CACNA1H: variants seen among roughly 807,000 people sequenced by gnomAD.
The protein encoded by CACNA1H is calcium voltage-gated channel subunit alpha1 H.
Under a neutral mutation model 192.5 loss-of-function variants are expected in CACNA1H, and 149 were observed. That is an observed-to-expected ratio of 0.77 (90% CI 0.68 to 0.89). CACNA1H has a LOEUF of 0.89. Among genes scored for constraint, CACNA1H ranks in the 40% least tolerant of loss-of-function variants. The probability of loss-of-function intolerance (pLI) is 0.00; values close to 1 mark genes in which losing one functional copy is unlikely to be tolerated. For missense variants in CACNA1H, 4,257 were observed against 3,423.5 expected (o/e 1.24, Z -6.08); for synonymous variants, 2,202 against 1,475.2 (o/e 1.49, Z -11.29).
chr16:1,196,048 T>G, intron 5 of CACNA1H, 25 bp downstream of exon 5: 1 of 1,583,362 alleles, frequency 6.3e-7, no homozygotes, highest in East Asian at 2.2e-5. Flanking sequence ...CCGACTGGGC[T>G]TGAGATCAAC....
chr16:1,198,989 T>G, intron 6 of CACNA1H: 1 of 462,392 alleles, frequency 2.2e-6, no homozygotes. Flanking sequence ...CCGCCCCACA[T>G]GGCTCCGCCC....
chr16:1,204,309 G>T lies in CACNA1H; in HGVS notation c.2302G>T (p.Ala768Ser). 2 of 1,600,150 alleles carry T rather than the reference G, an allele frequency of 1.2e-6. No individual in the cohort carries two copies. The highest frequency in any genetic ancestry group is 1.3e-5 in the African/African-American group (1 of 74,742). Reference sequence around the variant, plus strand: ...CCAGCGGCGGGCACAGCAGAGGGCAGCCCCGGGCGAGCCAGGCTGGATGGG... The same window carrying T: ...CCAGCGGCGGGCACAGCAGAGGGCATCCCCGGGCGAGCCAGGCTGGATGGG... ...SPQRRAQQRA[A>S]PGEPGWMGRL... Residue 768 changes from alanine (A) to serine (S), a missense_variant, in exon 10 of 35, where the codon GCC (alanine) becomes TCC (serine). By Grantham distance (99) the Ala-to-Ser change is moderately conservative. Transcript: ENST00000348261.
chr16:1,203,988 C>T (rs1596418274), intron 9 of CACNA1H, 22 bp from the exon 10 acceptor site: 2 of 1,509,374 alleles, frequency 1.3e-6, no homozygotes, highest in Admixed American at 2.1e-5. Context: ...GGGCCTGCCC[C>T]TGTCTGTGCC....
At chr16:1,183,241 G>A (rs949738459) in intron 2 of CACNA1H, among the ~76,000 whole-genome samples, 17 of 152,258 alleles carry the variant, frequency 1.1e-4, no homozygotes, top group South Asian at 6.2e-4. Context: ...GACCCCTGAC[G>A]GGTTCTATTG....
rs376251979 is a variant in CACNA1H at position 1,220,181 on chromosome 16, G to A, written c.6249G>A (p.Pro2083=). Residue 2083 remains proline, a synonymous_variant, in exon 35 of 35, where the codon CCG becomes CCA. Coordinates refer to ENST00000348261, the MANE Select transcript of CACNA1H (RefSeq NM_021098.3). The stretch of plus-strand genomic sequence containing the variant: ...GACAGCGCTGCGTCTCCAGCCGGCC[G>A]GCGGCCCCAGGCGGAGAGGAGGCCG... ...TFGQRCVSSR[P]AAPGGEEAEA... 6.1e-5 allele frequency: 92 copies of A among 1,519,830 alleles called. No homozygotes were observed. The highest frequency in any genetic ancestry group is 4.6e-4 in the African/African-American group (32 of 69,430). 94.1% of individuals were successfully genotyped at this position (1,519,830 alleles called of 1,614,324 possible). A position where few individuals can be genotyped will look rare whatever the true frequency, so the allele number is the denominator to read the frequency against.
At chr16:1,175,834 G>A (rs547403726) in intron 2 of CACNA1H, among the ~76,000 whole-genome samples, 8 of 152,324 alleles carry the variant, frequency 5.3e-5, no homozygotes, top group East Asian at 1.9e-4. Context: ...GGGATGGTGC[G>A]TTGAGGGGCG....
At chr16:1,209,481 G>A in intron 17 of CACNA1H, 69 bp downstream of exon 17, 2 of 1,558,068 alleles carry the variant, frequency 1.3e-6, no homozygotes, top group Middle Eastern at 1.7e-4. Context: ...CCTCAAGTGG[G>A]GTTTGAGATG....
chr16:1,210,563 C>T lies in CACNA1H; in HGVS notation c.3970-20C>T. The T allele has an allele frequency of 6.2e-7, 1 of 1,610,010 alleles. No individual in the cohort carries two copies. Among genetic ancestry groups the T allele is most frequent in the Non-Finnish European group, 8.5e-7 (1 of 1,179,776 alleles). ...GGAGGGGTGGAGTGGACACAGCCCC[C>T]CACCGTCCTCTCCCGGCAGGAGCGG... is the stretch of plus-strand genomic sequence containing the variant. On this transcript the variant is annotated intron_variant, in intron 19 of 34. Transcript: ENST00000348261.
In CACNA1H at chr16:1,205,332, C is replaced by T. The variant is rs1048391979; in HGVS notation, c.2603+67C>T. ...CTCCACTCTCTGGCAGAAATCCCACCTGCAGAGCAAAACCCAGAGCACAGG... is the reference window on the plus strand; with the variant it reads ...CTCCACTCTCTGGCAGAAATCCCACTTGCAGAGCAAAACCCAGAGCACAGG... On this transcript the variant is annotated intron_variant, in intron 11 of 34. Transcript: ENST00000348261. 8 of 1,487,060 alleles carry T rather than the reference C, an allele frequency of 5.4e-6. No homozygotes were observed. The African/African-American group carries it at 9.7e-5, about 18-fold the overall frequency. 92.1% of individuals were successfully genotyped at this position (1,487,060 alleles called of 1,614,324 possible).
At chr16:1,177,618 G>A (rs1310988820) in intron 2 of CACNA1H, among the ~76,000 whole-genome samples, 7 of 152,120 alleles carry the variant, frequency 4.6e-5, no homozygotes, top group Non-Finnish European at 1.0e-4. Flanking sequence ...CTTGGGCTGT[G>A]ACAGAAATTC....
At position 1,208,150 on chromosome 16, in the gene CACNA1H, C is replaced by G. The variant is rs771270859; in HGVS notation, c.3292C>G (p.Pro1098Ala). 3.4e-5 allele frequency: 54 copies of G among 1,579,416 alleles called. No individual in the cohort carries two copies. Among genetic ancestry groups the G allele is most frequent in the Non-Finnish European group, 4.5e-5 (52 of 1,164,364 alleles). Residue 1098 changes from proline to alanine, a missense_variant, in exon 16 of 35, where the codon CCC (proline) becomes GCC (alanine). Physicochemically the swap from Pro to Ala is conservative, Grantham distance 27. Transcript: ENST00000348261. ...GAGCTCACCATTCCTGGATGCAGCC[C>G]CCAGCCTCCCAGACTCTCGGCGTGG... ...PKSSPFLDAAPSLPDSRRGSS... is the reference protein window; with the variant it reads ...PKSSPFLDAAASLPDSRRGSS...
At position 1,205,050 on chromosome 16, in the gene CACNA1H, A is replaced by G. The variant is rs1306137088; in HGVS notation, c.2452-64A>G. ...GAGCCACGGGTGGGGGCCCCAGATC[A>G]GTGCCGGTGAGGGGTGGGAGCCGCG... On this transcript the variant is annotated intron_variant, in intron 10 of 34. Coordinates refer to ENST00000348261, the MANE Select transcript of CACNA1H (RefSeq NM_021098.3). The G allele has an allele frequency of 5.9e-6, 8 of 1,358,420 alleles. 1 individual carries two copies. Among genetic ancestry groups the G allele is most frequent in the Non-Finnish European group, 7.0e-6 (7 of 999,358 alleles). The allele number at this position is 1,358,420 out of a possible 1,614,324, so 84.1% of individuals were successfully genotyped here. A position where few individuals can be genotyped will look rare whatever the true frequency, so the allele number is the denominator to read the frequency against.
rs370957559 is a variant in CACNA1H, at chr16:1,187,711, TAGAGG to T, written c.300-7258_300-7254del. ...CCCTGCTTGGGGGCCACTCTGACCATAGAGGAGGAGCCAGGCAGCAGCCGCACCTG... is the reference window on the plus strand; with the variant it reads ...CCCTGCTTGGGGGCCACTCTGACCATAGGAGCCAGGCAGCAGCCGCACCTG... On this transcript the variant is annotated intron_variant, in intron 2 of 34. Coordinates refer to ENST00000348261, the MANE Select transcript of CACNA1H (RefSeq NM_021098.3). Among the ~76,000 whole-genome samples, 432 of 152,240 alleles carry T rather than the reference TAGAGG, an allele frequency of 2.8e-3. 6 individuals are homozygous for T. The highest frequency in any genetic ancestry group is 9.7e-3 in the African/African-American group (405 of 41,562).
chr16:1,176,310 A>G (rs115417818), intron 2 of CACNA1H, among the ~76,000 whole-genome samples: 2,413 of 152,308 alleles, frequency 0.016, 69 homozygotes, highest in African/African-American at 0.055. Flanking sequence ...GGCGAGGCGC[A>G]GCAGCAATGT....
intron 5 of CACNA1H, among the ~76,000 whole-genome samples, chr16:1,198,117 C>T (rs1967214660): frequency 6.6e-6 from 1 of 152,118 alleles, no homozygotes; most frequent in Admixed American, 6.5e-5. Context: ...GGAGGCAGCC[C>T]ACCACCTGAG....
At chr16:1,177,863 G>A (rs1965048998) in intron 2 of CACNA1H, among the ~76,000 whole-genome samples, 1 of 151,850 alleles carries the variant, frequency 6.6e-6, no homozygotes, top group African/African-American at 2.4e-5. Context: ...CCTCATCCCA[G>A]TCACCTCCCA....
Position 1,210,461 on chromosome 16 carries a change from C to G in CACNA1H, c.3937C>G (p.Leu1313Val), listed in dbSNP as rs757747784. Reference sequence around the variant, plus strand: ...CTTCCTCAACTGCGTCACCATCGCCCTGGAGAGGCCTGACATTGATCCCGG... The same window carrying G: ...CTTCCTCAACTGCGTCACCATCGCCGTGGAGAGGCCTGACATTGATCCCGG... ...FIFLNCVTIA[L>V]ERPDIDPGST... The change falls in exon 19 of 35, where the codon CTG becomes GTG. Residue 1313 changes from leucine (L) to valine (V), a missense_variant. Leu to Val is a conservative substitution (Grantham distance 32). Coordinates refer to ENST00000348261, the MANE Select transcript of CACNA1H (RefSeq NM_021098.3). 1 of 1,612,152 alleles carries G rather than the reference C, an allele frequency of 6.2e-7. No homozygotes were observed. The highest frequency in any genetic ancestry group is 8.5e-7 in the Non-Finnish European group (1 of 1,179,682).
chr16:1,180,871 C>T lies in CACNA1H; in HGVS notation c.300-14101C>T, dbSNP rs542493617. 5.3e-5 allele frequency among the ~76,000 whole-genome samples: 8 copies of T among 152,324 alleles called. No individual in the cohort carries two copies. The highest frequency in any genetic ancestry group is 4.1e-4 in the South Asian group (2 of 4,834). ...GGCCAGCACCCGACCTGGCCGCCAG[C>T]GTGCTGAGGACAGACCTGCTGGGCC... On this transcript the variant is annotated intron_variant, in intron 2 of 34. Transcript: ENST00000348261. The surrounding 1 kb of genome is among the most constrained non-coding windows in gnomAD (Gnocchi z 4.4).
At position 1,210,350 on chromosome 16, in the gene CACNA1H, A is replaced by AAAAC; in HGVS notation, c.3846-20_3846-19insAAAC. The AAAAC allele has an allele frequency of 5.1e-5, 16 of 313,916 alleles. No individual in the cohort carries two copies. The highest frequency in any genetic ancestry group is 6.9e-5 in the Non-Finnish European group (15 of 215,928). The allele number at this position is 313,916 out of a possible 1,614,324, so 19.4% of individuals were successfully genotyped here. On this transcript the variant is annotated intron_variant, in intron 18 of 34. Transcript: ENST00000348261. ...TCCACGCCGCCCCGCCCCACCTCTC[A>AAAAC]CCCGCCCCCGCCCACCCAGGTTCCG...
Sources: gnomAD v4.1 joint callset for allele counts (sites outside exome capture counted in the v4.1 genomes callset) on GRCh38, gnomAD v4.1.1 for gene constraint, Gnocchi (gnomAD v3.1) non-coding constraint, MANE v1.5 for transcripts, NCBI Gene and HGNC (gene_info 2026-07-23, HGNC 2026-07-21) for gene names.